The following PLXNA4 variants were observed in gnomAD, a reference collection of about 807,000 sequenced individuals.
PLXNA4 encodes plexin-A4.
In PLXNA4, 44 loss-of-function variants were observed where a neutral mutation model predicts 191.8. The observed-to-expected ratio is 0.23, with a 90% CI of 0.18 to 0.29. The LOEUF (loss-of-function observed/expected upper bound fraction) is 0.29, where lower values mean the gene tolerates loss of function less well. Among genes scored for constraint, PLXNA4 ranks in the 10% least tolerant of loss-of-function variants. The pLI, the probability that PLXNA4 is intolerant of heterozygous loss-of-function variation, is 1.00. For missense variants in PLXNA4, 1,800 were observed against 2,488.8 expected (o/e 0.72, Z 5.89); for synonymous variants, 1,082 against 1,009.5 (o/e 1.07, Z -1.36).
intron 3 of PLXNA4, among the ~76,000 whole-genome samples, chr7:132,328,198 C>T (rs900395774): frequency 6.6e-5 from 10 of 152,162 alleles, no homozygotes; most frequent in Admixed American, 6.5e-4. Context: ...CTGACAGATC[C>T]ATAATTAGAA....
At chr7:132,289,683 C>G (rs1368265378) in intron 4 of PLXNA4, among the ~76,000 whole-genome samples, 1 of 151,994 alleles carries the variant, frequency 6.6e-6, no homozygotes, top group Non-Finnish European at 1.5e-5. Flanking sequence ...CAGGTGCACA[C>G]CACCACACCT....
At chr7:132,488,726 G>T (rs1351805738) in intron 3 of PLXNA4, among the ~76,000 whole-genome samples, 1 of 152,192 alleles carries the variant, frequency 6.6e-6, no homozygotes, top group East Asian at 1.9e-4. Context: ...GCAGGGGAAA[G>T]GTCAGGTCCC....
At chr7:132,362,749 T>C (rs997526570) in intron 3 of PLXNA4, among the ~76,000 whole-genome samples, 1 of 152,172 alleles carries the variant, frequency 6.6e-6, no homozygotes, top group African/African-American at 2.4e-5. Context: ...GAAAGACACA[T>C]AGCTTTTCTG....
At position 132,455,194 on chromosome 7, in the gene PLXNA4, C is replaced by T. The variant is rs1279805966; in HGVS notation, c.1371+34098G>A. Among the ~76,000 whole-genome samples the T allele has an allele frequency of 2.0e-5, 3 of 152,184 alleles. No individual in the cohort carries two copies. In the East Asian group the frequency reaches 5.8e-4, roughly 29 times the overall value. The stretch of plus-strand genomic sequence containing the variant: ...TCACGGTGGCTGTTCCGCTGTTTGC[C>T]TCCCTCCTGGCAGGTGCCTGAAAAT... On this transcript the variant is annotated intron_variant, in intron 3 of 31. Transcript: ENST00000321063.
chr7:132,392,300 A>G (rs985011127), intron 3 of PLXNA4, among the ~76,000 whole-genome samples: 1 of 152,252 alleles, frequency 6.6e-6, no homozygotes, highest in African/African-American at 2.4e-5. Flanking sequence ...GTATATATGA[A>G]GAAATGAAGG....
intron 30 of PLXNA4, among the ~76,000 whole-genome samples, chr7:132,136,687 G>T (rs569569113): frequency 1.3e-5 from 2 of 152,204 alleles, no homozygotes; most frequent in Non-Finnish European, 2.9e-5. Flanking sequence ...GTGACAGTGC[G>T]TATCTCACAT....
intron 30 of PLXNA4, among the ~76,000 whole-genome samples, chr7:132,139,139 G>GAGTT (rs1321522883): frequency 2.6e-5 from 4 of 152,348 alleles, no homozygotes; most frequent in Non-Finnish European, 5.9e-5. Flanking sequence ...TAGGACAAAA[G>GAGTT]AGTTAGTTTC....
rs78538899 is a variant in PLXNA4, at chr7:132,404,058, A to G, written c.1371+85234T>C. On this transcript the variant is annotated intron_variant, in intron 3 of 31. Transcript: ENST00000321063. ...TGGGCTCTGTGGTGGGCCAGGAGAC[A>G]AGGCTTTCTTTCTTTCACTTCTTTT... Among the ~76,000 whole-genome samples the G allele has an allele frequency of 5.1e-3, 781 of 152,230 alleles. 1 individual carries two copies. Among genetic ancestry groups the G allele is most frequent in the Non-Finnish European group, 8.9e-3 (604 of 68,006 alleles).
In PLXNA4 at chr7:132,321,502, A is replaced by C. The variant is rs549604400; in HGVS notation, c.1372-23280T>G. On this transcript the variant is annotated intron_variant, in intron 3 of 31. Transcript: ENST00000321063. Reference sequence around the variant, plus strand: ...GGAATGAGCAACTCCCATAAACAGCAGACGGTGGGTCACCTCTGACATCTG... The same window carrying C: ...GGAATGAGCAACTCCCATAAACAGCCGACGGTGGGTCACCTCTGACATCTG... 1.1e-4 allele frequency among the ~76,000 whole-genome samples: 17 copies of C among 152,212 alleles called. No individual in the cohort carries two copies. In the East Asian group the frequency reaches 2.9e-3, roughly 26 times the overall value.
At chr7:132,133,225 A>C (rs775296673) in intron 30 of PLXNA4, 26 bp from the exon 31 acceptor site, 1 of 1,612,332 alleles carries the variant, frequency 6.2e-7, no homozygotes, top group South Asian at 1.1e-5. Flanking sequence ...AATAGGGAGA[A>C]GCTGAAGTCG....
intron 10 of PLXNA4, among the ~76,000 whole-genome samples, chr7:132,204,211 G>C (rs1260476573): frequency 6.6e-6 from 1 of 152,188 alleles, no homozygotes; most frequent in Non-Finnish European, 1.5e-5. Flanking sequence ...GGAGGTGGAG[G>C]GTGGAGAGAA....
chr7:132,161,988 A>G (rs1795965760), intron 24 of PLXNA4, among the ~76,000 whole-genome samples: 1 of 152,068 alleles, frequency 6.6e-6, no homozygotes, highest in Non-Finnish European at 1.5e-5. Context: ...ATAAATCACT[A>G]AACCCCTAGA....
At chr7:132,288,652 T>A (rs939353785) in intron 4 of PLXNA4, among the ~76,000 whole-genome samples, 1 of 152,036 alleles carries the variant, frequency 6.6e-6, no homozygotes, top group Non-Finnish European at 1.5e-5. Flanking sequence ...GTGTCAGCCA[T>A]CCAAACACTA....
intron 3 of PLXNA4, among the ~76,000 whole-genome samples, chr7:132,467,166 A>G (rs1443012834): frequency 6.6e-6 from 1 of 152,146 alleles, no homozygotes; most frequent in African/African-American, 2.4e-5. Flanking sequence ...GTCACAAAAT[A>G]AGATGAGGAG....
chr7:132,408,407 A>T (rs1794310068), intron 3 of PLXNA4, among the ~76,000 whole-genome samples: 1 of 152,120 alleles, frequency 6.6e-6, no homozygotes, highest in Admixed American at 6.5e-5. Context: ...TTAAATAAAC[A>T]AGTATTTTTC....
At chr7:132,535,224 T>G (rs1405050616) in intron 1 of PLXNA4, among the ~76,000 whole-genome samples, 1 of 152,224 alleles carries the variant, frequency 6.6e-6, no homozygotes, top group Non-Finnish European at 1.5e-5. Context: ...ATGTTCACCA[T>G]CATTAATGAT....
intron 3 of PLXNA4, among the ~76,000 whole-genome samples, chr7:132,454,888 G>A (rs1367228513): frequency 6.6e-6 from 1 of 152,160 alleles, no homozygotes; most frequent in Non-Finnish European, 1.5e-5. Flanking sequence ...CTGTGGTACT[G>A]TGCTATGGCA....
chr7:132,409,996 C>G (rs1458857170), intron 3 of PLXNA4, among the ~76,000 whole-genome samples: 1 of 152,202 alleles, frequency 6.6e-6, no homozygotes, highest in African/African-American at 2.4e-5. Flanking sequence ...TCTCCCTGCT[C>G]CCTCTTTGGA....
rs1255399466 is a variant in PLXNA4, at chr7:132,127,231, A to ATAAG, written c.*3244_*3247dup. The stretch of plus-strand genomic sequence containing the variant: ...ACCATTTTCCCTGGGAGGGTACGGG[A>ATAAG]TAAGTTGGAGGGGAAGGTAAGGAAG... On this transcript the variant is annotated 3_prime_UTR_variant, in exon 32 of 32. Transcript: ENST00000321063. 2 of 152,074 alleles carry ATAAG rather than the reference A, an allele frequency of 1.3e-5. No homozygotes were observed. The highest frequency in any genetic ancestry group is 1.9e-4 in the East Asian group (1 of 5,178). 9.4% of individuals were successfully genotyped at this position (152,074 alleles called of 1,614,324 possible). A position where few individuals can be genotyped will look rare whatever the true frequency, so the allele number is the denominator to read the frequency against.
Sources: allele counts gnomAD v4.1 joint callset (sites outside exome capture counted in the v4.1 genomes callset), GRCh38; gene constraint gnomAD v4.1.1; transcripts MANE v1.5; gene names NCBI Gene and HGNC (gene_info 2026-07-23, HGNC 2026-07-21).